MYLK: variants seen among roughly 807,000 people sequenced by gnomAD.
MYLK encodes myosin light chain kinase, smooth muscle.
In MYLK, 106 loss-of-function variants were observed where a neutral mutation model predicts 203.4. That is an observed-to-expected ratio of 0.52 (90% confidence interval 0.45 to 0.61). The LOEUF is 0.61. MYLK is among the 20% of genes least tolerant of loss of function. The pLI is 0.00. For missense variants in MYLK, 2,072 were observed against 2,442.3 expected, an observed-to-expected ratio of 0.85 and a Z score of 3.20; for synonymous variants, 867 against 959.5, an observed-to-expected ratio of 0.90 and a Z score of 1.78.
intron 20 of MYLK, among the ~76,000 whole-genome samples, chr3:123,677,592 G>A (rs543218107): frequency 6.6e-6 from 1 of 152,196 alleles, no homozygotes; most frequent in East Asian, 1.9e-4. Context: ...CCCACTCTGG[G>A]CTGGAGGAGT....
chr3:123,677,918 T>TATATATATATATATACACAC (rs1273803739), intron 20 of MYLK, among the ~76,000 whole-genome samples: 9 of 78,888 alleles, frequency 1.1e-4, no homozygotes, highest in African/African-American at 3.6e-4. Flanking sequence ...TATATATATA[T>TATATATATATATATACACAC]ACACACACAC....
intron 13 of MYLK, among the ~76,000 whole-genome samples, chr3:123,712,616 C>T (rs2061740888): frequency 6.6e-6 from 1 of 152,226 alleles, no homozygotes; most frequent in African/African-American, 2.4e-5. Context: ...CCTCTCCCTC[C>T]CCTGGGAGCT....
At chr3:123,743,332 A>G (rs1246064179) in intron 5 of MYLK, among the ~76,000 whole-genome samples, 1 of 152,212 alleles carries the variant, frequency 6.6e-6, no homozygotes, top group Non-Finnish European at 1.5e-5. Flanking sequence ...TGATGAAAAC[A>G]TATCACATAA....
At chr3:123,650,525 A>G (rs2059175811) in intron 24 of MYLK, among the ~76,000 whole-genome samples, 1 of 152,078 alleles carries the variant, frequency 6.6e-6, no homozygotes, top group Non-Finnish European at 1.5e-5. Flanking sequence ...GCTGCTGACA[A>G]AGCTTAGTTT....
At chr3:123,659,850 T>G (rs1326517812) in intron 23 of MYLK, among the ~76,000 whole-genome samples, 1 of 152,178 alleles carries the variant, frequency 6.6e-6, no homozygotes, top group Non-Finnish European at 1.5e-5. Flanking sequence ...ACTAACAGAA[T>G]AGGAAACTCA....
chr3:123,704,917 C>CA (rs1330127531), intron 16 of MYLK, among the ~76,000 whole-genome samples: 15 of 151,896 alleles, frequency 9.9e-5, no homozygotes, highest in Non-Finnish European at 2.1e-4. Flanking sequence ...GAGATTCTGT[C>CA]AAAAAATAAA....
At position 123,691,032 on chromosome 3, in the gene MYLK, A is replaced by C. The variant is rs78991387; in HGVS notation, c.3565+1703T>G. On this transcript the variant is annotated intron_variant, in intron 19 of 33. Transcript: ENST00000360304. Reference sequence around the variant, plus strand: ...AATTTCATCTTGAAAACAAATCTAGAAAAGGTGCTGACATTTTACAGATAG... The same window carrying C: ...AATTTCATCTTGAAAACAAATCTAGCAAAGGTGCTGACATTTTACAGATAG... 3.0e-3 allele frequency among the ~76,000 whole-genome samples: 461 copies of C among 152,312 alleles called. 3 individuals carry two copies. Among genetic ancestry groups the C allele is most frequent in the African/African-American group, 1.0e-2 (415 of 41,566 alleles).
At chr3:123,737,605 C>T (rs978006439) in intron 7 of MYLK, 62 bp from the exon 8 acceptor site, 7 of 1,599,666 alleles carry the variant, frequency 4.4e-6, no homozygotes, top group Non-Finnish European at 6.0e-6. Flanking sequence ...CTGTGTCCTC[C>T]TGCCTCCTGC....
chr3:123,767,023 T>A (rs1014103931), intron 4 of MYLK, among the ~76,000 whole-genome samples: 1 of 152,106 alleles, frequency 6.6e-6, no homozygotes, highest in African/African-American at 2.4e-5. Flanking sequence ...GCCACTGAAA[T>A]CTCTTTTCTA....
Position 123,613,402 on chromosome 3 carries a change from GA to G in MYLK, c.*702del, listed in dbSNP as rs1177093715. The G allele has an allele frequency of 2.0e-5, 3 of 152,426 alleles. No individual in the cohort carries two copies. The highest frequency in any genetic ancestry group is 4.4e-5 in the Non-Finnish European group (3 of 68,082). 9.4% of individuals were successfully genotyped at this position (152,426 alleles called of 1,614,324 possible). ...AGCTGCTAGACATCTGCAAAGAGGG[GA>G]TAAGTTTAGATTTCCTACTGATTTT... is the stretch of plus-strand genomic sequence containing the variant. On this transcript the variant is annotated 3_prime_UTR_variant, in exon 34 of 34. Transcript: ENST00000360304.
Position 123,824,813 on chromosome 3 carries a change from GTTA to G in MYLK, c.-4+6732_-4+6734del, listed in dbSNP as rs1276840997. Reference sequence around the variant, plus strand: ...TATATATCATAATTCATTGTTCAAAGTTATTATATCAAAAGCAGAATGATCATC... The same window carrying G: ...TATATATCATAATTCATTGTTCAAAGTTATATCAAAAGCAGAATGATCATC... On this transcript the variant is annotated intron_variant, in intron 3 of 33. Transcript: ENST00000360304. Among the ~76,000 whole-genome samples the G allele has an allele frequency of 2.6e-5, 4 of 152,132 alleles. No homozygotes were observed. The East Asian group carries it at 5.8e-4, about 22-fold the overall frequency.
At chr3:123,798,166 CACAAA>C (rs2065059557) in intron 3 of MYLK, among the ~76,000 whole-genome samples, 1 of 152,190 alleles carries the variant, frequency 6.6e-6, no homozygotes, top group Non-Finnish European at 1.5e-5. Flanking sequence ...ATCACCCCTT[CACAAA>C]TGAAGACATA....
chr3:123,676,758 A>G (rs1483627481), intron 20 of MYLK, among the ~76,000 whole-genome samples: 2 of 152,176 alleles, frequency 1.3e-5, no homozygotes, highest in Non-Finnish European at 2.9e-5. Context: ...AAAATCAAAT[A>G]TTTATTATAA....
chr3:123,861,122 C>T (rs1407969667), intron 2 of MYLK, among the ~76,000 whole-genome samples: 19 of 145,086 alleles, frequency 1.3e-4, no homozygotes, highest in Admixed American at 1.2e-3. Context: ...AGAGCGAGAC[C>T]CTGTCTCAAA....
At chr3:123,777,014 C>A (rs572505796) in intron 4 of MYLK, among the ~76,000 whole-genome samples, 1 of 152,354 alleles carries the variant, frequency 6.6e-6, no homozygotes, top group East Asian at 1.9e-4. Context: ...CAAAGCAGAA[C>A]CATAGGTAAT....
At chr3:123,819,101 T>A (rs768718871) in intron 3 of MYLK, among the ~76,000 whole-genome samples, 4 of 152,174 alleles carry the variant, frequency 2.6e-5, no homozygotes, top group Non-Finnish European at 4.4e-5. Context: ...GAAATAAACA[T>A]TAGCTTCCTT....
chr3:123,773,782 C>T (rs1205914749), intron 4 of MYLK, among the ~76,000 whole-genome samples: 1 of 152,254 alleles, frequency 6.6e-6, no homozygotes, highest in African/African-American at 2.4e-5. Flanking sequence ...AAGGACAACA[C>T]AGCCCATCCA....
At chr3:123,798,149 T>A (rs906689590) in intron 3 of MYLK, among the ~76,000 whole-genome samples, 3 of 152,186 alleles carry the variant, frequency 2.0e-5, no homozygotes, top group African/African-American at 7.2e-5. Flanking sequence ...AAAGAGCAGT[T>A]CTAATGATCA....
intron 2 of MYLK, among the ~76,000 whole-genome samples, chr3:123,839,857 C>T (rs1432407953): frequency 2.6e-5 from 4 of 152,028 alleles, no homozygotes; most frequent in African/African-American, 4.8e-5. Flanking sequence ...ATTCTCTGAT[C>T]GTTATGAAAT....
Sources: allele counts gnomAD v4.1 joint callset (sites outside exome capture counted in the v4.1 genomes callset), GRCh38; gene constraint gnomAD v4.1.1; transcripts MANE v1.5; gene names NCBI Gene and HGNC (gene_info 2026-07-23, HGNC 2026-07-21).